PLPPR1: variants seen among roughly 807,000 people sequenced by gnomAD.
The protein encoded by PLPPR1 is phospholipid phosphatase related 1.
PLPPR1 carries 10 observed loss-of-function variants against 33.1 expected under a neutral mutation model. The observed-to-expected ratio is 0.30, with a 90% CI of 0.19 to 0.51. PLPPR1 has a LOEUF of 0.51. Among genes scored for constraint, PLPPR1 ranks in the 20% least tolerant of loss-of-function variants. The pLI is 0.97. For missense variants in PLPPR1, 304 were observed against 408.1 expected, an observed-to-expected ratio of 0.74 and a Z score of 2.20; for synonymous variants, 151 against 151.0, an observed-to-expected ratio of 1.00 and a Z score of 0.00.
At chr9:101,045,888 G>A (rs924462620) in intron 1 of PLPPR1, among the ~76,000 whole-genome samples, 2 of 152,126 alleles carry the variant, frequency 1.3e-5, no homozygotes, top group Admixed American at 6.5e-5. Flanking sequence ...AAATCTCTGG[G>A]ACATTGTTCA....
At chr9:101,063,363 G>C (rs1564133958) in intron 1 of PLPPR1, among the ~76,000 whole-genome samples, 3 of 152,058 alleles carry the variant, frequency 2.0e-5, no homozygotes, top group Admixed American at 1.3e-4. Context: ...GTGTCAATCA[G>C]TGTCCAGCTG....
intron 1 of PLPPR1, among the ~76,000 whole-genome samples, chr9:101,064,076 T>G (rs949139649): frequency 1.3e-5 from 2 of 152,118 alleles, no homozygotes; most frequent in Non-Finnish European, 2.9e-5. Context: ...AATATAAATT[T>G]ATAGATCTAT....
At chr9:101,210,248 A>G (rs1001040054) in intron 2 of PLPPR1, among the ~76,000 whole-genome samples, 1 of 152,220 alleles carries the variant, frequency 6.6e-6, no homozygotes, top group Admixed American at 6.5e-5. Flanking sequence ...AAATTAATGT[A>G]GCCCCTGCTA....
chr9:101,309,201 C>G lies in PLPPR1; in HGVS notation c.386-10C>G. 6.2e-7 allele frequency: 1 copy of G among 1,613,786 alleles called. No homozygotes were observed. The highest frequency in any genetic ancestry group is 8.5e-7 in the Non-Finnish European group (1 of 1,179,864). On this transcript the variant is annotated splice_polypyrimidine_tract_variant and intron_variant, in intron 4 of 7. Transcript: ENST00000374874. ...GTTACCATTCCTAATGATTTTAAAT[C>G]TTCTTATAGGGGTGTTTGCATTTGG... is the stretch of plus-strand genomic sequence containing the variant.
intron 2 of PLPPR1, among the ~76,000 whole-genome samples, chr9:101,202,155 A>G (rs1826506197): frequency 6.6e-6 from 1 of 152,212 alleles, no homozygotes; most frequent in Admixed American, 6.5e-5. Context: ...GCAAATTTGC[A>G]TTGTATAAGC....
chr9:101,242,889 T>C (rs1250368633), intron 2 of PLPPR1, among the ~76,000 whole-genome samples: 3 of 152,088 alleles, frequency 2.0e-5, no homozygotes, highest in African/African-American at 7.2e-5. Flanking sequence ...AAACAAGTAA[T>C]TATTGTTCTC....
At chr9:101,232,076 A>AAAGGCCTAAGTGCAGCCAC (rs1451093276) in intron 2 of PLPPR1, among the ~76,000 whole-genome samples, 1 of 152,128 alleles carries the variant, frequency 6.6e-6, no homozygotes. Flanking sequence ...TGCCGTGGAA[A>AAAGGCCTAAGTGCAGCCAC]AAGGCCTAAG....
At chr9:101,049,182 G>C (rs1830190417) in intron 1 of PLPPR1, among the ~76,000 whole-genome samples, 2 of 152,114 alleles carry the variant, frequency 1.3e-5, no homozygotes, top group Admixed American at 6.5e-5. Context: ...GGACTTAATT[G>C]GCAAATATTT....
chr9:101,262,469 A>T (rs542837471), intron 2 of PLPPR1, among the ~76,000 whole-genome samples: 3 of 152,204 alleles, frequency 2.0e-5, no homozygotes, highest in Non-Finnish European at 2.9e-5. Context: ...AGTTGATATG[A>T]GGTCTCATAT....
Position 101,076,740 on chromosome 9 carries a change from G to A in PLPPR1, c.-46+47638G>A, listed in dbSNP as rs78789500. On this transcript the variant is annotated intron_variant, in intron 1 of 7. Coordinates refer to ENST00000374874, the MANE Select transcript of PLPPR1 (RefSeq NM_207299.2). ...AATATTAGTTGTCTATTTTACTCTG[G>A]ATATCAGCTCATTTTTGGTATTGTG... Among the ~76,000 whole-genome samples, 1,047 of 152,152 alleles carry A rather than the reference G, an allele frequency of 6.9e-3. 13 individuals carry two copies. The highest frequency in any genetic ancestry group is 0.024 in the African/African-American group (1,011 of 41,512).
chr9:101,137,998 C>T (rs528040174), intron 1 of PLPPR1, among the ~76,000 whole-genome samples: 1 of 152,322 alleles, frequency 6.6e-6, no homozygotes, highest in African/African-American at 2.4e-5. Context: ...AGGCTACCTA[C>T]ACAGCACAGA....
At chr9:101,243,598 C>A (rs1353991328) in intron 2 of PLPPR1, among the ~76,000 whole-genome samples, 2 of 151,188 alleles carry the variant, frequency 1.3e-5, no homozygotes, top group Non-Finnish European at 3.0e-5. Flanking sequence ...GTGAGAGGAG[C>A]CTTCAGGAGG....
At chr9:101,036,132 T>C (rs1023036848) in intron 1 of PLPPR1, among the ~76,000 whole-genome samples, 2 of 152,184 alleles carry the variant, frequency 1.3e-5, no homozygotes, top group Admixed American at 6.5e-5. Flanking sequence ...TTTTTTGGAA[T>C]GTCTTAAATT....
intron 1 of PLPPR1, among the ~76,000 whole-genome samples, chr9:101,121,050 C>T (rs370622329): frequency 2.6e-5 from 4 of 152,270 alleles, no homozygotes; most frequent in African/African-American, 9.6e-5. Context: ...ATTGTCACCA[C>T]TGGTTCTCTC....
intron 7 of PLPPR1, among the ~76,000 whole-genome samples, chr9:101,323,174 A>G (rs934371483): frequency 1.3e-5 from 2 of 152,318 alleles, no homozygotes; most frequent in South Asian, 4.1e-4. Flanking sequence ...ATACTTAAGC[A>G]TAAGACAGAA....
intron 1 of PLPPR1, among the ~76,000 whole-genome samples, chr9:101,076,524 T>A (rs1310539942): frequency 2.0e-5 from 3 of 152,202 alleles, no homozygotes; most frequent in Admixed American, 6.5e-5. Flanking sequence ...ATCCCAGATG[T>A]CTGTACCTGA....
intron 2 of PLPPR1, among the ~76,000 whole-genome samples, chr9:101,197,761 T>A (rs2118740996): frequency 6.6e-6 from 1 of 152,356 alleles, no homozygotes; most frequent in Non-Finnish European, 1.5e-5. Context: ...GTTTAAAGAC[T>A]GCATTAAATT....
chr9:101,083,372 G>A (rs934122702), intron 1 of PLPPR1, among the ~76,000 whole-genome samples: 1 of 140,942 alleles, frequency 7.1e-6, no homozygotes, highest in East Asian at 2.1e-4. Flanking sequence ...GGGTGACAGA[G>A]CAAGACTCCA....
rs533808307 is a variant in PLPPR1, at chr9:101,283,958, A to G, written c.253-2146A>G. Among the ~76,000 whole-genome samples the G allele has an allele frequency of 2.0e-4, 30 of 152,290 alleles. 1 individual carries two copies. In the South Asian group the frequency reaches 5.8e-3, roughly 29 times the overall value. ...TAATCTCACACCTGTTAGAATGGCT[A>G]TTATCAAAAGATGAAAGATAAATAT... On this transcript the variant is annotated intron_variant, in intron 3 of 7. Transcript: ENST00000374874.
Sources: gnomAD v4.1 joint callset for allele counts (sites outside exome capture counted in the v4.1 genomes callset) on GRCh38, gnomAD v4.1.1 for gene constraint, MANE v1.5 for transcripts, NCBI Gene and HGNC (gene_info 2026-07-23, HGNC 2026-07-21) for gene names.